Variants in LAMB4 observed in about 807,000 individuals in gnomAD.
The protein encoded by LAMB4 is laminin subunit beta 4, also known as laminin subunit beta-4.
In LAMB4, 196 loss-of-function variants were observed where a neutral mutation model predicts 199.2. The observed-to-expected ratio is 0.98, with a 90% CI of 0.88 to 1.11. The LOEUF is 1.11. Ranked by LOEUF, LAMB4 falls within the 50% of genes least tolerant of loss-of-function variation. The probability of loss-of-function intolerance (pLI) is 0.00; values close to 1 mark genes in which losing one functional copy is unlikely to be tolerated. For synonymous variants in LAMB4, 744 were observed against 770.6 expected, an observed-to-expected ratio of 0.97 and a Z score of 0.57; for missense variants, 2,080 against 2,171.2, an observed-to-expected ratio of 0.96 and a Z score of 0.83.
At chr7:108,126,722 G>C (rs558874397) in intron 1 of LAMB4, among the ~76,000 whole-genome samples, 1 of 148,338 alleles carries the variant, frequency 6.7e-6, no homozygotes, top group South Asian at 2.1e-4. Context: ...CCGCCACCGC[G>C]CCCGACTAAT....
intron 14 of LAMB4, among the ~76,000 whole-genome samples, chr7:108,080,133 A>G (rs1225743066): frequency 1.3e-5 from 2 of 152,218 alleles, no homozygotes; most frequent in Non-Finnish European, 2.9e-5. Flanking sequence ...TCTTCCCAAA[A>G]TATGGAGGCT....
intron 7 of LAMB4, 121 bp downstream of exon 7, chr7:108,106,388 A>T: frequency 1.5e-6 from 1 of 665,320 alleles, no homozygotes. Flanking sequence ...ACTGCACTCC[A>T]GCCTGGATGA....
the LAMB4 span, among the ~76,000 whole-genome samples, chr7:108,016,300 T>C: frequency 7.0e-6 from 1 of 143,426 alleles, no homozygotes; most frequent in Non-Finnish European, 1.5e-5. Flanking sequence ...TTTTTTTTTT[T>C]TGAGATGGAG....
intron 18 of LAMB4, 100 bp downstream of exon 18, chr7:108,069,608 G>GTT (rs2036461006): frequency 1.9e-6 from 2 of 1,048,466 alleles, no homozygotes; most frequent in African/African-American, 1.6e-5. Flanking sequence ...TGGGTATTTT[G>GTT]GTTGTTGTTT....
intron 17 of LAMB4, 110 bp downstream of exon 17, chr7:108,076,834 T>C: frequency 7.9e-7 from 1 of 1,261,906 alleles, no homozygotes; most frequent in Non-Finnish European, 1.1e-6. Context: ...CTTTTATAAT[T>C]GAGCAAATAC....
intron 10 of LAMB4, among the ~76,000 whole-genome samples, chr7:108,099,584 C>T (rs1279033286): frequency 1.3e-5 from 2 of 152,142 alleles, no homozygotes; most frequent in African/African-American, 4.8e-5. Context: ...ATTAGATGAC[C>T]ACCAAGGTCT....
chr7:108,083,054 TTTCTC>T (rs1158028882), intron 14 of LAMB4, among the ~76,000 whole-genome samples: 2 of 152,212 alleles, frequency 1.3e-5, no homozygotes, highest in Non-Finnish European at 2.9e-5. Context: ...GCAAAAATGT[TTTCTC>T]TTCCATACTT....
At chr7:108,021,601 C>T (rs566252758), downstream of LAMB4, among the ~76,000 whole-genome samples, 4 of 151,946 alleles carry the variant, frequency 2.6e-5, no homozygotes, top group South Asian at 2.1e-4. Flanking sequence ...CTCAGCTACT[C>T]GGGAGGCTGA....
At chr7:108,026,812 G>A in intron 33 of LAMB4, 1 of 482,420 alleles carries the variant, frequency 2.1e-6, no homozygotes, top group South Asian at 1.6e-5. Flanking sequence ...TAACAGAGAG[G>A]AACAGGCACA....
chr7:108,122,226 C>G (rs191043544), intron 2 of LAMB4, among the ~76,000 whole-genome samples: 2 of 152,238 alleles, frequency 1.3e-5, no homozygotes, highest in Admixed American at 6.5e-5. Context: ...CCTCAGTGGT[C>G]CCTTCTGATT....
chr7:108,095,434 G>C, intron 11 of LAMB4, 97 bp from the exon 12 acceptor site: 1 of 847,414 alleles, frequency 1.2e-6, no homozygotes, highest in East Asian at 2.6e-5. Context: ...ATAACCGCAA[G>C]AACACAGAGA....
chr7:108,029,042 C>A lies in LAMB4; in HGVS notation c.5146+1G>T. On this transcript the variant is annotated splice_donor_variant, in intron 33 of 33. Coordinates refer to ENST00000388781, the MANE Select transcript of LAMB4 (RefSeq NM_007356.3). LOFTEE classifies it high-confidence loss of function. ...GGCAGGATGGATAAAAGAACAGATA[C>A]CTGTTATTCTTCTTATCTTGGCCTC... is the stretch of plus-strand genomic sequence containing the variant. 1 of 1,611,702 alleles carries A rather than the reference C, an allele frequency of 6.2e-7. No individual in the cohort carries two copies. Among genetic ancestry groups the A allele is most frequent in the Non-Finnish European group, 8.5e-7 (1 of 1,179,054 alleles).
intron 17 of LAMB4, among the ~76,000 whole-genome samples, chr7:108,073,072 C>A (rs1021694912): frequency 3.9e-5 from 6 of 152,236 alleles, no homozygotes; most frequent in Non-Finnish European, 8.8e-5. Flanking sequence ...GTGGCACGAT[C>A]TCAGCTCACT....
At chr7:108,094,564 TAAGA>T (rs759808067) in intron 12 of LAMB4, among the ~76,000 whole-genome samples, 12 of 141,492 alleles carry the variant, frequency 8.5e-5, no homozygotes, top group Admixed American at 3.1e-4. Flanking sequence ...TTTATTAGGT[TAAGA>T]TTTTGTGGGT....
At chr7:108,119,656 G>A (rs1312573275) in intron 2 of LAMB4, among the ~76,000 whole-genome samples, 2 of 152,172 alleles carry the variant, frequency 1.3e-5, no homozygotes, top group African/African-American at 4.8e-5. Context: ...GTAGTACTAG[G>A]GATCCTTGAG....
At chr7:108,033,500 C>T (rs1422546532) in intron 31 of LAMB4, among the ~76,000 whole-genome samples, 1 of 152,086 alleles carries the variant, frequency 6.6e-6, no homozygotes, top group Non-Finnish European at 1.5e-5. Flanking sequence ...AACCTCCGCC[C>T]CCTGGAGGAG....
intron 23 of LAMB4, among the ~76,000 whole-genome samples, chr7:108,058,787 G>A (rs1447148176): frequency 6.6e-6 from 1 of 152,138 alleles, no homozygotes; most frequent in Non-Finnish European, 1.5e-5. Flanking sequence ...CTCCCAAGTA[G>A]CTGGGACTAC....
At position 108,096,874 on chromosome 7, in the gene LAMB4, T is replaced by C. The variant is rs562812893; in HGVS notation, c.1360+1529A>G. On this transcript the variant is annotated intron_variant, in intron 11 of 33. Transcript: ENST00000388781. Reference sequence around the variant, plus strand: ...TTGCTTGAGTCCAGGAGTTTAAGGCTGCAGTGAGCTATGATTGTGCCACTG... The same window carrying C: ...TTGCTTGAGTCCAGGAGTTTAAGGCCGCAGTGAGCTATGATTGTGCCACTG... Among the ~76,000 whole-genome samples the C allele has an allele frequency of 4.4e-5, 6 of 136,532 alleles. No homozygotes were observed. The East Asian group carries it at 1.3e-3, about 30-fold the overall frequency. The allele number at this position is 136,532 out of a possible 152,430, so 89.6% of individuals were successfully genotyped here. A position where few individuals can be genotyped will look rare whatever the true frequency, so the allele number is the denominator to read the frequency against.
At chr7:108,064,417 C>T (rs891145106) in intron 21 of LAMB4, among the ~76,000 whole-genome samples, 3 of 152,172 alleles carry the variant, frequency 2.0e-5, no homozygotes, top group Non-Finnish European at 4.4e-5. Context: ...TCCCAAACAG[C>T]AATAGCTGTC....
Sources: allele counts gnomAD v4.1 joint callset (sites outside exome capture counted in the v4.1 genomes callset), GRCh38; gene constraint gnomAD v4.1.1; transcripts MANE v1.5; gene names NCBI Gene and HGNC (gene_info 2026-07-23, HGNC 2026-07-21).